Variants in CGREF1 observed in about 807,000 individuals in gnomAD.
The protein encoded by CGREF1 is cell growth regulator with EF-hand domain 1, also known as cell growth regulator with EF hand domain protein 1.
Under a neutral mutation model 17.4 loss-of-function variants are expected in CGREF1, and 16 were observed. The observed-to-expected ratio is 0.92, with a 90% confidence interval of 0.62 to 1.40. CGREF1 has a LOEUF of 1.40. CGREF1 is among the 40% of genes most tolerant of loss of function. CGREF1 has a pLI of 0.00. For missense variants in CGREF1, 296 were observed against 376.4 expected, an observed-to-expected ratio of 0.79 and a Z score of 1.77; for synonymous variants, 142 against 154.6, an observed-to-expected ratio of 0.92 and a Z score of 0.61.
intron 2 of CGREF1, among the ~76,000 whole-genome samples, chr2:27,103,511 T>G (rs989028514): frequency 1.3e-5 from 2 of 152,020 alleles, no homozygotes; most frequent in Admixed American, 1.3e-4. Flanking sequence ...TAGCTGGGAT[T>G]ACAGGCATGC....
At chr2:27,103,540 T>A (rs1264447330) in intron 2 of CGREF1, among the ~76,000 whole-genome samples, 1 of 151,858 alleles carries the variant, frequency 6.6e-6, no homozygotes, top group African/African-American at 2.4e-5. Flanking sequence ...GCCCGGCTAA[T>A]TGTTTTTTAT....
intron 1 of CGREF1, among the ~76,000 whole-genome samples, chr2:27,113,410 T>G (rs986975633): frequency 6.6e-6 from 1 of 152,194 alleles, no homozygotes; most frequent in Non-Finnish European, 1.5e-5. Context: ...TCTTTAATAT[T>G]TATTGAACAC....
intron 1 of CGREF1, among the ~76,000 whole-genome samples, chr2:27,116,871 TTCTCTCTCTCTCTC>T (rs537582075): frequency 0.044 from 1,466 of 33,682 alleles, 72 homozygotes; most frequent in African/African-American, 0.13. Flanking sequence ...GCCAGGCCTA[TTCTCTCTCTCTCTC>T]TCTCTCTCTC....
intron 1 of CGREF1, among the ~76,000 whole-genome samples, chr2:27,105,501 C>T (rs578054226): frequency 5.5e-4 from 83 of 152,186 alleles, no homozygotes; most frequent in African/African-American, 1.9e-3. Flanking sequence ...CATGGAAGTC[C>T]ACAAGAAGAT....
At chr2:27,104,684 C>T (rs554215630) in intron 1 of CGREF1, 1 of 1,550,454 alleles carries the variant, frequency 6.4e-7, no homozygotes, top group Non-Finnish European at 8.7e-7. Context: ...TGCCAAGGTG[C>T]CCAGAGAAGT....
chr2:27,114,125 G>A (rs1210486825), intron 1 of CGREF1, among the ~76,000 whole-genome samples: 1 of 151,410 alleles, frequency 6.6e-6, no homozygotes, highest in East Asian at 2.0e-4. Context: ...CTCCCAAGTA[G>A]CTGGGACTAC....
At chr2:27,114,688 G>T (rs956197428) in intron 1 of CGREF1, among the ~76,000 whole-genome samples, 4 of 152,110 alleles carry the variant, frequency 2.6e-5, no homozygotes, top group Non-Finnish European at 4.4e-5. Context: ...CCACCCTACG[G>T]AAGAGAGAGT....
intron 1 of CGREF1, among the ~76,000 whole-genome samples, chr2:27,116,912 TCTCTCTCTCTC>T (rs1484430307): frequency 0.038 from 4,048 of 106,892 alleles, 369 homozygotes; most frequent in Admixed American, 0.16. Flanking sequence ...TCTCTCTCTC[TCTCTCTCTCTC>T]TTTTTTTGAG....
In CGREF1 at chr2:27,102,083, CCAG is replaced by C. The variant is rs772342786; in HGVS notation, c.342+11_342+13del. 9 of 1,595,438 alleles carry C rather than the reference CCAG, an allele frequency of 5.6e-6. No homozygotes were observed. Among genetic ancestry groups the C allele is most frequent in the Non-Finnish European group, 7.7e-6 (9 of 1,167,564 alleles). On this transcript the variant is annotated intron_variant, in intron 5 of 5. Coordinates refer to ENST00000402394, the MANE Select transcript of CGREF1 (RefSeq NM_006569.6). ...GTCTCCTTTATGCGGGGATCTCCAT[CCAG>C]CAGAGCTTACCGGGTTGGTGGTAGG...
Position 27,101,723 on chromosome 2 carries a change from A to T in CGREF1, c.508T>A (p.Ser170Thr). The T allele has an allele frequency of 6.2e-7, 1 of 1,614,174 alleles. No homozygotes were observed. The highest frequency in any genetic ancestry group is 8.5e-7 in the Non-Finnish European group (1 of 1,180,028). ...CTTAATGGGCTTTTAGCTAATAGGGACTGCCTTCCAACAGCTTGTGGCTCC... is the reference window on the plus strand; with the variant it reads ...CTTAATGGGCTTTTAGCTAATAGGGTCTGCCTTCCAACAGCTTGTGGCTCC... ...PQEPQAVGRQ[S>T]LLAKSPLRQE... Residue 170 changes from serine to threonine, a missense_variant, in exon 6 of 6, where the codon TCC (serine) becomes ACC (threonine). Coordinates refer to ENST00000402394, the MANE Select transcript of CGREF1 (RefSeq NM_006569.6).
chr2:27,104,665 C>T (rs1220506633), intron 1 of CGREF1: 1 of 1,550,428 alleles, frequency 6.4e-7, no homozygotes, highest in African/African-American at 1.4e-5. Context: ...TCCCTTGCTC[C>T]CCACTAGGTG....
At chr2:27,115,104 A>G (rs1357667509) in intron 1 of CGREF1, among the ~76,000 whole-genome samples, 2 of 152,190 alleles carry the variant, frequency 1.3e-5, no homozygotes, top group African/African-American at 2.4e-5. Context: ...AAAACCAACC[A>G]TGTAAGGGCT....
chr2:27,114,683 C>A (rs1339938977), intron 1 of CGREF1, among the ~76,000 whole-genome samples: 2 of 152,176 alleles, frequency 1.3e-5, no homozygotes, highest in Non-Finnish European at 1.5e-5. Flanking sequence ...CGAAACCACC[C>A]TACGGAAGAG....
chr2:27,099,956 C>A, downstream of CGREF1: 1 of 1,146,706 alleles, frequency 8.7e-7, no homozygotes, highest in South Asian at 1.3e-5. Flanking sequence ...GCAAATAAAT[C>A]TTCCTCAGAG....
intron 1 of CGREF1, chr2:27,104,585 T>C (rs1036533726): frequency 1.3e-6 from 2 of 1,550,576 alleles, no homozygotes; most frequent in African/African-American, 2.7e-5. Flanking sequence ...CTCTTGTATA[T>C]AAAGCACATA....
At chr2:27,107,548 C>G (rs964198425) in intron 1 of CGREF1, among the ~76,000 whole-genome samples, 1 of 151,680 alleles carries the variant, frequency 6.6e-6, no homozygotes, top group Non-Finnish European at 1.5e-5. Context: ...TCACCGCACC[C>G]GGCCAGTTCA....
chr2:27,103,823 A>C (rs1193008321), intron 2 of CGREF1, among the ~76,000 whole-genome samples: 1 of 152,004 alleles, frequency 6.6e-6, no homozygotes, highest in East Asian at 2.0e-4. Flanking sequence ...CCTCTACTAA[A>C]AATACAAAAA....
downstream of CGREF1, chr2:27,099,856 A>G: frequency 6.4e-7 from 1 of 1,552,564 alleles, no homozygotes; most frequent in Non-Finnish European, 8.7e-7. Flanking sequence ...CAGGGGACAG[A>G]TGCAAGCTGT....
downstream of CGREF1, chr2:27,100,165 C>T: frequency 2.1e-6 from 1 of 486,076 alleles, no homozygotes; most frequent in Non-Finnish European, 3.8e-6. Context: ...ACACTCGGTG[C>T]CCCACACCCA....
Sources: allele counts gnomAD v4.1 joint callset (sites outside exome capture counted in the v4.1 genomes callset), GRCh38; gene constraint gnomAD v4.1.1; transcripts MANE v1.5; gene names NCBI Gene and HGNC (gene_info 2026-07-23, HGNC 2026-07-21).